The following HERC1 variants were observed in gnomAD, a reference collection of about 807,000 sequenced individuals.
The protein encoded by HERC1 is probable E3 ubiquitin-protein ligase HERC1.
In HERC1, 160 loss-of-function variants were observed where a neutral mutation model predicts 554.3. The observed-to-expected ratio is 0.29, with a 90% confidence interval of 0.25 to 0.33. The LOEUF is 0.33. Among genes scored for constraint, HERC1 ranks in the 10% least tolerant of loss-of-function variants. HERC1 has a pLI of 1.00. For missense variants in HERC1, 4,919 were observed against 5,918.5 expected, an observed-to-expected ratio of 0.83 and a Z score of 5.54; for synonymous variants, 2,175 against 2,131.7, an observed-to-expected ratio of 1.02 and a Z score of -0.56.
chr15:63,793,429 T>C (rs2076714328), intron 1 of HERC1, among the ~76,000 whole-genome samples: 1 of 152,222 alleles, frequency 6.6e-6, no homozygotes, highest in African/African-American at 2.4e-5. Context: ...AGTGCCATGA[T>C]AGTTTACAAA....
rs369326772 is a variant in HERC1, at chr15:63,774,893, C to T, written c.731G>A (p.Arg244His). The change falls in exon 2 of 78, where the codon CGT becomes CAT. Residue 244 changes from arginine (R) to histidine (H), a missense_variant. This residue lies in a region of HERC1 where 744 missense variants were observed against 1,090.0 expected (regional missense o/e 0.68). Transcript: ENST00000443617. The part of the protein sequence containing the change: ...IPNSGADTLG[R>H]RLASELLLGL... ...AAGCAGCAACTCAGAAGCTAATCTA[C>T]GACCTAAAGTGTCTGCCCCAGAATT... is the stretch of plus-strand genomic sequence containing the variant. The T allele has an allele frequency of 6.2e-6, 10 of 1,613,860 alleles. No homozygotes were observed. Among genetic ancestry groups the T allele is most frequent in the Non-Finnish European group, 7.6e-6 (9 of 1,179,886 alleles).
In HERC1 at chr15:63,616,553, C is replaced by G; in HGVS notation, c.13818G>C (p.Lys4606Asn). 3.1e-6 allele frequency: 5 copies of G among 1,614,032 alleles called. No homozygotes were observed. Among genetic ancestry groups the G allele is most frequent in the Non-Finnish European group, 4.2e-6 (5 of 1,179,892 alleles). ...GGGTGAGTGGGACACAGCACAGCTG[C>G]TTCCACACCAGAGGGGCCAAGTGGA... ...LDLHLAPLVW[K>N]QLCCVPLTLE... The change falls in exon 75 of 78, where the codon AAG (lysine) becomes AAC (asparagine). Residue 4606 changes from lysine (K) to asparagine (N), a missense_variant. Coordinates refer to ENST00000443617, the MANE Select transcript of HERC1 (RefSeq NM_003922.4).
intron 44 of HERC1, 139 bp from the exon 45 acceptor site, chr15:63,662,160 ATTTC>A (rs2070390394): frequency 2.1e-6 from 2 of 963,674 alleles, no homozygotes; most frequent in South Asian, 3.9e-5. Flanking sequence ...TAAATAAAAA[ATTTC>A]TTTCAAATCA....
intron 66 of HERC1, 49 bp downstream of exon 66, chr15:63,634,684 A>G (rs1019117536): frequency 1.3e-6 from 2 of 1,529,896 alleles, no homozygotes; most frequent in Non-Finnish European, 1.8e-6. Context: ...AACACAGAAG[A>G]AATGAGAAAC....
chr15:63,707,630 C>G (rs528352156), intron 24 of HERC1, among the ~76,000 whole-genome samples: 1 of 151,886 alleles, frequency 6.6e-6, no homozygotes, highest in Non-Finnish European at 1.5e-5. Context: ...AAAGAAGGCC[C>G]GGAAGTGACA....
At chr15:63,647,628 C>T (rs886770290) in intron 55 of HERC1, among the ~76,000 whole-genome samples, 4 of 151,882 alleles carry the variant, frequency 2.6e-5, no homozygotes, top group East Asian at 3.9e-4. Flanking sequence ...GACTGGATAA[C>T]GAAAACATGG....
At chr15:63,817,956 T>A (rs967232721) in intron 1 of HERC1, among the ~76,000 whole-genome samples, 2 of 152,074 alleles carry the variant, frequency 1.3e-5, no homozygotes, top group East Asian at 3.8e-4. Context: ...ATTCCCATAA[T>A]AGATTAATCC....
intron 69 of HERC1, among the ~76,000 whole-genome samples, 176 bp from the exon 70 acceptor site, chr15:63,628,991 T>A (rs1031267421): frequency 3.3e-5 from 5 of 151,146 alleles, no homozygotes; most frequent in African/African-American, 1.2e-4. Context: ...TGCTCTGTTG[T>A]CCAGGCTGGA....
rs759085203 is a variant in HERC1, at chr15:63,749,956, T to G, written c.1903-165A>C. On this transcript the variant is annotated intron_variant, in intron 8 of 77. Transcript: ENST00000443617. This position sits in a 1 kb window ranked among gnomAD's most constrained non-coding sequence, Gnocchi z 4.1. ...TAAAGATTGTTACAGCGATTTATCATGCTGCCTTTAGGCATTCACTGTATA... is the reference window on the plus strand; with the variant it reads ...TAAAGATTGTTACAGCGATTTATCAGGCTGCCTTTAGGCATTCACTGTATA... 3.3e-5 allele frequency among the ~76,000 whole-genome samples: 5 copies of G among 152,260 alleles called. No individual in the cohort carries two copies. Among genetic ancestry groups the G allele is most frequent in the Non-Finnish European group, 7.3e-5 (5 of 68,050 alleles).
Position 63,729,667 on chromosome 15 carries a change from G to C in HERC1, c.2869-18C>G, listed in dbSNP as rs777495881. On this transcript the variant is annotated intron_variant, in intron 14 of 77. Coordinates refer to ENST00000443617, the MANE Select transcript of HERC1 (RefSeq NM_003922.4). The stretch of plus-strand genomic sequence containing the variant: ...GCTTGATCCTAAAATGACACACAAA[G>C]GAAGTTTATATTTGAAGTGCTTGAA... The C allele has an allele frequency of 2.5e-6, 4 of 1,611,990 alleles. No homozygotes were observed. In the African/African-American group the frequency reaches 4.0e-5, roughly 16 times the overall value.
At chr15:63,826,285 C>A (rs143746677) in intron 1 of HERC1, among the ~76,000 whole-genome samples, 1 of 152,204 alleles carries the variant, frequency 6.6e-6, no homozygotes, top group East Asian at 1.9e-4. Context: ...TAGGATTGCC[C>A]TAACCCAGAA....
At chr15:63,807,157 G>A (rs1382271437) in intron 1 of HERC1, among the ~76,000 whole-genome samples, 1 of 152,062 alleles carries the variant, frequency 6.6e-6, no homozygotes, top group Non-Finnish European at 1.5e-5. Context: ...AATGGGTCCT[G>A]GACTAGGCAT....
At chr15:63,611,786 TA>T (rs1478124075) in intron 77 of HERC1, among the ~76,000 whole-genome samples, 1 of 152,378 alleles carries the variant, frequency 6.6e-6, no homozygotes, top group East Asian at 1.9e-4. Flanking sequence ...AAACAAATTT[TA>T]CTGCTTGATT....
chr15:63,626,113 G>GA lies in HERC1; in HGVS notation c.13146_13147insT (p.Pro4383SerfsTer27). ...TCTCTCAGCGCCCCATACTGGGGGG[G>GA]CACTGTGTCAGGCAGGCCCAGCTGC... On this transcript the variant is annotated frameshift_variant, in exon 71 of 78. Coordinates refer to ENST00000443617, the MANE Select transcript of HERC1 (RefSeq NM_003922.4). LOFTEE classifies it high-confidence loss of function. 6.2e-7 allele frequency: 1 copy of GA among 1,613,702 alleles called. No individual in the cohort carries two copies.
At position 63,654,175 on chromosome 15, in the gene HERC1, T is replaced by C. The variant is rs781688830; in HGVS notation, c.10234A>G (p.Met3412Val). Residue 3412 changes from methionine (M) to valine (V), a missense_variant, in exon 51 of 78, where the codon ATG (methionine) becomes GTG (valine). Met to Val is a conservative substitution (Grantham distance 21). This residue lies in a region of HERC1 where 1,963 missense variants were observed against 2,228.6 expected (regional missense o/e 0.88). Coordinates refer to ENST00000443617, the MANE Select transcript of HERC1 (RefSeq NM_003922.4). ...GAGCATTTTCTAAGATCTCCTCCCA[T>C]ATCAGCAAGTGTCTGCAGAGTAGTT... The part of the protein sequence containing the change: ...NQTTLQTLAD[M>V]GGDLRKCSFI... 6.2e-7 allele frequency: 1 copy of C among 1,614,058 alleles called. No individual in the cohort carries two copies.
At chr15:63,706,208 C>G (rs1395796300) in intron 25 of HERC1, among the ~76,000 whole-genome samples, 7 of 152,000 alleles carry the variant, frequency 4.6e-5, no homozygotes, top group Non-Finnish European at 8.8e-5. Context: ...CTCTCAATGA[C>G]ACTCTAATTT....
At chr15:63,770,037 A>G (rs1329028771) in intron 2 of HERC1, among the ~76,000 whole-genome samples, 1 of 152,102 alleles carries the variant, frequency 6.6e-6, no homozygotes, top group Non-Finnish European at 1.5e-5. Flanking sequence ...AATTGCTTCA[A>G]TAACTTCACA....
chr15:63,690,967 T>G (rs1292557708), intron 31 of HERC1, among the ~76,000 whole-genome samples: 1 of 152,206 alleles, frequency 6.6e-6, no homozygotes, highest in African/African-American at 2.4e-5. Flanking sequence ...CAGCCCCATT[T>G]TACTGTTGAG....
chr15:63,790,305 G>A (rs377135470), intron 1 of HERC1, among the ~76,000 whole-genome samples: 2 of 152,152 alleles, frequency 1.3e-5, no homozygotes, highest in South Asian at 2.1e-4. Flanking sequence ...TAGGCTAGGC[G>A]CGGTGGCTCA....
Sources: gnomAD v4.1 joint callset for allele counts (sites outside exome capture counted in the v4.1 genomes callset) on GRCh38, gnomAD v4.1.1 for gene constraint, gnomAD v4.1.1 regional missense constraint, Gnocchi (gnomAD v3.1) non-coding constraint, MANE v1.5 for transcripts, NCBI Gene and HGNC (gene_info 2026-07-23, HGNC 2026-07-21) for gene names.